The following GALNTL6 variants were observed in gnomAD, a reference collection of about 807,000 sequenced individuals.
GALNTL6 encodes the protein polypeptide N-acetylgalactosaminyltransferase-like 6.
In GALNTL6, 46 loss-of-function variants were observed where a neutral mutation model predicts 73.7. The ratio of observed to expected loss-of-function variants is 0.62; its 90% CI spans 0.49 to 0.80. The LOEUF (loss-of-function observed/expected upper bound fraction) is 0.80, where lower values mean the gene tolerates loss of function less well. Ranked by LOEUF, GALNTL6 falls within the 30% of genes least tolerant of loss-of-function variation. The pLI, the probability that GALNTL6 is intolerant of heterozygous loss-of-function variation, is 0.00. For synonymous variants in GALNTL6, 259 were observed against 263.7 expected (o/e 0.98, Z 0.17); for missense variants, 604 against 755.0 (o/e 0.80, Z 2.34).
intron 2 of GALNTL6, among the ~76,000 whole-genome samples, chr4:171,833,461 C>T (rs917856022): frequency 6.6e-6 from 1 of 151,512 alleles, no homozygotes; most frequent in Non-Finnish European, 1.5e-5. Flanking sequence ...CATTAACAAC[C>T]AAAATACCTG....
chr4:172,141,324 C>T (rs1335666797), intron 2 of GALNTL6, among the ~76,000 whole-genome samples: 2 of 151,944 alleles, frequency 1.3e-5, no homozygotes, highest in Non-Finnish European at 2.9e-5. Context: ...CTGTTTCTTT[C>T]AAGAATCTCT....
chr4:172,192,363 T>C (rs1735614437), intron 2 of GALNTL6, among the ~76,000 whole-genome samples: 1 of 150,892 alleles, frequency 6.6e-6, no homozygotes, highest in Non-Finnish European at 1.5e-5. Flanking sequence ...ATTATAAAAG[T>C]TTTAAGAAGA....
chr4:172,669,626 G>A (rs1193299129), intron 5 of GALNTL6, among the ~76,000 whole-genome samples: 1 of 152,132 alleles, frequency 6.6e-6, no homozygotes. Context: ...TTTAATAAAT[G>A]TCTACTCAAG....
chr4:172,465,226 C>A (rs890415868), intron 5 of GALNTL6, among the ~76,000 whole-genome samples: 1 of 152,068 alleles, frequency 6.6e-6, no homozygotes, highest in Non-Finnish European at 1.5e-5. Flanking sequence ...GCCTGTAATC[C>A]CAGCACTTGG....
At chr4:172,795,164 A>G (rs1740196031) in intron 5 of GALNTL6, among the ~76,000 whole-genome samples, 1 of 152,160 alleles carries the variant, frequency 6.6e-6, no homozygotes, top group Non-Finnish European at 1.5e-5. Context: ...AGATTGCAAC[A>G]CTTTTATCTG....
rs900679383 is a variant in GALNTL6 at position 172,807,881 on chromosome 4, G to A, written c.554-1480G>A. ...TCTATTGCCCAGGCTGGAGTGCAGC[G>A]GTGCGATCTCAGCTCACTGCAACCT... is the stretch of plus-strand genomic sequence containing the variant. On this transcript the variant is annotated intron_variant, in intron 5 of 12. Coordinates refer to ENST00000506823, the MANE Select transcript of GALNTL6 (RefSeq NM_001034845.3). Among the ~76,000 whole-genome samples, 4 of 152,098 alleles carry A rather than the reference G, an allele frequency of 2.6e-5. No homozygotes were observed. In the South Asian group the frequency reaches 6.2e-4, roughly 24 times the overall value.
chr4:172,602,127 A>G (rs1738080793), intron 5 of GALNTL6, among the ~76,000 whole-genome samples: 1 of 152,154 alleles, frequency 6.6e-6, no homozygotes, highest in South Asian at 2.1e-4. Context: ...TATATTTTAA[A>G]TATGAATGCA....
At chr4:172,976,422 G>A (rs1297193327) in intron 10 of GALNTL6, among the ~76,000 whole-genome samples, 1 of 152,130 alleles carries the variant, frequency 6.6e-6, no homozygotes, top group African/African-American at 2.4e-5. Context: ...CTAAGGCAGG[G>A]CTTCTGAAAT....
At chr4:172,902,297 A>G (rs989640649) in intron 8 of GALNTL6, among the ~76,000 whole-genome samples, 1 of 152,208 alleles carries the variant, frequency 6.6e-6, no homozygotes, top group Non-Finnish European at 1.5e-5. Flanking sequence ...AACATTTTCA[A>G]AAGATCAGTC....
chr4:172,351,788 A>C (rs775940427), intron 5 of GALNTL6, among the ~76,000 whole-genome samples: 4 of 152,120 alleles, frequency 2.6e-5, no homozygotes, highest in African/African-American at 7.2e-5. Flanking sequence ...TGTTTGTTTT[A>C]CACTTTAAAT....
intron 4 of GALNTL6, among the ~76,000 whole-genome samples, chr4:172,318,390 CATGAGGCTGGGTCTTTGAAAGGCTGA>C (rs1181519923): frequency 2.6e-5 from 4 of 152,070 alleles, no homozygotes; most frequent in Admixed American, 2.6e-4. Context: ...ACTGACAGAC[CATGAGGCTGGGTCTTTGAAAGGCTGA>C]ATGAGGCTGG....
At chr4:172,522,297 C>G (rs2110820344) in intron 5 of GALNTL6, among the ~76,000 whole-genome samples, 1 of 152,144 alleles carries the variant, frequency 6.6e-6, no homozygotes, top group Non-Finnish European at 1.5e-5. Flanking sequence ...TATCAGGATA[C>G]TTTTATATTT....
rs903358676 is a variant in GALNTL6 at position 172,713,206 on chromosome 4, A to G, written c.554-96155A>G. ...CCAGAAAAACAAAAAGAATAAGAGA[A>G]CAACAAAAGAATAAGATGTGTGTGT... On this transcript the variant is annotated intron_variant, in intron 5 of 12. Coordinates refer to ENST00000506823, the MANE Select transcript of GALNTL6 (RefSeq NM_001034845.3). 3.2e-4 allele frequency among the ~76,000 whole-genome samples: 49 copies of G among 151,140 alleles called. 1 individual carries two copies. The highest frequency in any genetic ancestry group is 1.2e-3 in the African/African-American group (48 of 41,314).
At chr4:172,197,411 T>A (rs981525979) in intron 2 of GALNTL6, among the ~76,000 whole-genome samples, 1 of 152,126 alleles carries the variant, frequency 6.6e-6, no homozygotes, top group African/African-American at 2.4e-5. Flanking sequence ...AAACTACCAT[T>A]GACATTCTTC....
chr4:172,992,996 G>A (rs1276193361), intron 10 of GALNTL6, among the ~76,000 whole-genome samples: 1 of 152,146 alleles, frequency 6.6e-6, no homozygotes, highest in East Asian at 1.9e-4. Flanking sequence ...GAGATCAGTC[G>A]ATGAGGTCAG....
intron 2 of GALNTL6, among the ~76,000 whole-genome samples, chr4:172,172,998 T>TAAA: frequency 6.6e-6 from 1 of 152,312 alleles, no homozygotes; most frequent in Middle Eastern, 3.4e-3. Context: ...GGAAAGGCTT[T>TAAA]AGTATATCCT....
chr4:172,947,960 C>G (rs1468200619), intron 9 of GALNTL6, among the ~76,000 whole-genome samples: 2 of 152,158 alleles, frequency 1.3e-5, no homozygotes, highest in African/African-American at 2.4e-5. Flanking sequence ...AGCTGTGGTA[C>G]CAATGTTTTC....
intron 2 of GALNTL6, among the ~76,000 whole-genome samples, chr4:172,074,026 A>T (rs1731631416): frequency 6.6e-6 from 1 of 152,170 alleles, no homozygotes; most frequent in African/African-American, 2.4e-5. Context: ...CTACTCCCTC[A>T]CCTGTAGAAC....
intron 5 of GALNTL6, among the ~76,000 whole-genome samples, chr4:172,416,450 C>T (rs763563457): frequency 1.2e-4 from 18 of 152,144 alleles, no homozygotes; most frequent in South Asian, 2.1e-4. Flanking sequence ...AAGAGATAAA[C>T]GAATACAATG....
Sources: allele counts gnomAD v4.1 joint callset (sites outside exome capture counted in the v4.1 genomes callset), GRCh38; gene constraint gnomAD v4.1.1; transcripts MANE v1.5; gene names NCBI Gene and HGNC (gene_info 2026-07-23, HGNC 2026-07-21).